The following INTS8 variants were observed in gnomAD, a reference collection of about 807,000 sequenced individuals.
INTS8 encodes integrator complex subunit 8, also known as protein kaonashi-1.
INTS8 carries 47 observed loss-of-function variants against 138.9 expected under a neutral mutation model. The observed-to-expected ratio is 0.34, with a 90% CI of 0.27 to 0.43. The LOEUF (loss-of-function observed/expected upper bound fraction) is 0.43. Among genes scored for constraint, INTS8 ranks in the 20% least tolerant of loss-of-function variants. The pLI is 1.00. For synonymous variants in INTS8, 392 were observed against 400.9 expected (o/e 0.98, Z 0.27); for missense variants, 996 against 1,173.0 (o/e 0.85, Z 2.20).
chr8:94,875,918 G>T, intron 23 of INTS8, 156 bp from the exon 24 acceptor site: 1 of 597,980 alleles, frequency 1.7e-6, no homozygotes, highest in Non-Finnish European at 3.0e-6. Flanking sequence ...AGACAGACAC[G>T]TGTATAAAGG....
chr8:94,829,960 G>A (rs938598952), intron 5 of INTS8, among the ~76,000 whole-genome samples: 25 of 152,090 alleles, frequency 1.6e-4, no homozygotes, highest in African/African-American at 5.6e-4. Context: ...GTGCAGTGGC[G>A]GAGTCAGCTC....
intron 15 of INTS8, among the ~76,000 whole-genome samples, chr8:94,857,694 T>C (rs1815803531): frequency 6.6e-6 from 1 of 152,212 alleles, no homozygotes; most frequent in South Asian, 2.1e-4. Flanking sequence ...TGCTGCTGTC[T>C]TCACATGGCC....
At chr8:94,853,690 G>A (rs1388621498) in intron 13 of INTS8, 115 bp from the exon 14 acceptor site, 2 of 591,530 alleles carry the variant, frequency 3.4e-6, no homozygotes, top group Non-Finnish European at 6.0e-6. Context: ...TTCTCTTTAA[G>A]AGACGACCCG....
intron 14 of INTS8, among the ~76,000 whole-genome samples, chr8:94,855,900 A>T (rs1274981080): frequency 6.6e-6 from 1 of 152,200 alleles, no homozygotes; most frequent in African/African-American, 2.4e-5. Flanking sequence ...GCAGATTATG[A>T]GTTTATTTTT....
At chr8:94,867,083 C>A in intron 18 of INTS8, 57 bp from the exon 19 acceptor site, 1 of 1,271,154 alleles carries the variant, frequency 7.9e-7, no homozygotes, top group South Asian at 1.3e-5. Flanking sequence ...TTGACAGGAG[C>A]AATATTAAAT....
chr8:94,849,516 A>G lies in INTS8; in HGVS notation c.1315A>G (p.Met439Val). The G allele has an allele frequency of 2.6e-6, 4 of 1,562,520 alleles. No individual in the cohort carries two copies. The highest frequency in any genetic ancestry group is 2.6e-6 in the Non-Finnish European group (3 of 1,147,208). ...EKASESLKGN[M>V]AAFLKNVCLG... ...AGCTTCAGAGTCTTTGAAAGGAAAC[A>G]TGGCTGCTTTTCTAAAGTAAGTACC... is the stretch of plus-strand genomic sequence containing the variant. The change falls in exon 11 of 27, where the codon ATG becomes GTG. Residue 439 changes from methionine (M) to valine (V), a missense_variant. Transcript: ENST00000523731.
At chr8:94,874,731 G>A in intron 23 of INTS8, 129 bp downstream of exon 23, 1 of 534,942 alleles carries the variant, frequency 1.9e-6, no homozygotes, top group Non-Finnish European at 3.3e-6. Context: ...GTAAGAGTTT[G>A]GCATATTCTT....
At chr8:94,844,928 A>T (rs1423844010) in intron 10 of INTS8, among the ~76,000 whole-genome samples, 4 of 149,544 alleles carry the variant, frequency 2.7e-5, no homozygotes, top group African/African-American at 4.9e-5. Flanking sequence ...AATTTTTTTT[A>T]TTTTTGGTAA....
At chr8:94,860,441 G>A (rs145155943) in intron 16 of INTS8, 5,137 of 152,018 alleles carry the variant, frequency 0.034, 90 homozygotes, top group Non-Finnish European at 0.04. Context: ...TTAGCCAGGT[G>A]TGGTGGCAGG....
rs758907019 is a variant in INTS8 at position 94,881,722 on chromosome 8, G to T, written c.*1488G>T. ...GTGACAACTGTCCCCCTTTTCTGAA[G>T]GTGTTTATGTAATTTACTTCCTCCT... On this transcript the variant is annotated 3_prime_UTR_variant, in exon 27 of 27. Coordinates refer to ENST00000523731, the MANE Select transcript of INTS8 (RefSeq NM_017864.4). 5 of 1,613,470 alleles carry T rather than the reference G, an allele frequency of 3.1e-6. No individual in the cohort carries two copies. Among genetic ancestry groups the T allele is most frequent in the Non-Finnish European group, 4.2e-6 (5 of 1,179,696 alleles).
rs527348846 is a variant in INTS8, at chr8:94,844,568, T to C, written c.1260+2080T>C. On this transcript the variant is annotated intron_variant, in intron 10 of 26. Transcript: ENST00000523731. Reference sequence around the variant, plus strand: ...CTGACCTCAAGTGATCCACCCACTTTAGCCTCCCAAAGTCCTGGGATTACA... The same window carrying C: ...CTGACCTCAAGTGATCCACCCACTTCAGCCTCCCAAAGTCCTGGGATTACA... Among the ~76,000 whole-genome samples the C allele has an allele frequency of 2.0e-5, 3 of 152,272 alleles. No individual in the cohort carries two copies. The South Asian group carries it at 6.2e-4, about 32-fold the overall frequency.
chr8:94,840,559 G>GTTTTTT (rs11395069), intron 8 of INTS8, among the ~76,000 whole-genome samples: 1 of 136,510 alleles, frequency 7.3e-6, no homozygotes, highest in Non-Finnish European at 1.5e-5. Context: ...TTTTTAATTA[G>GTTTTTT]TTTTTTTTTT....
intron 26 of INTS8, among the ~76,000 whole-genome samples, chr8:94,879,012 ACT>A (rs1166969195): frequency 6.6e-6 from 1 of 151,192 alleles, no homozygotes; most frequent in African/African-American, 2.4e-5. Context: ...AATTTAATCC[ACT>A]CTCGGTTTTG....
chr8:94,869,261 C>T (rs527346987), intron 20 of INTS8, among the ~76,000 whole-genome samples: 14 of 151,784 alleles, frequency 9.2e-5, no homozygotes, highest in Admixed American at 2.6e-4. Flanking sequence ...GATTAACAGG[C>T]GTGAGCCACC....
At chr8:94,857,698 C>T (rs1815803635) in intron 15 of INTS8, among the ~76,000 whole-genome samples, 2 of 152,204 alleles carry the variant, frequency 1.3e-5, no homozygotes, top group Admixed American at 1.3e-4. Flanking sequence ...GCTGTCTTCA[C>T]ATGGCCTTCC....
intron 26 of INTS8, among the ~76,000 whole-genome samples, chr8:94,878,455 C>T (rs761854714): frequency 1.2e-4 from 18 of 152,120 alleles, no homozygotes; most frequent in African/African-American, 3.1e-4. Context: ...CTATTTCATT[C>T]GCTGCTTCCT....
At chr8:94,879,975 A>G in intron 26 of INTS8, 143 bp from the exon 27 acceptor site, 1 of 562,712 alleles carries the variant, frequency 1.8e-6, no homozygotes, top group Non-Finnish European at 3.2e-6. Context: ...TTTTTTTCCA[A>G]GACTCCTGGG....
intron 9 of INTS8, 49 bp downstream of exon 9, chr8:94,841,640 T>C: frequency 4.3e-6 from 4 of 930,502 alleles, no homozygotes; most frequent in Non-Finnish European, 6.8e-6. Context: ...AAACAGCAAG[T>C]GCATTCTGGT....
rs1441050867 is a variant in INTS8, at chr8:94,823,338, C to T, written c.-94C>T. 1.7e-5 allele frequency: 25 copies of T among 1,510,166 alleles called. No homozygotes were observed. The highest frequency in any genetic ancestry group is 2.2e-5 in the Non-Finnish European group (25 of 1,133,490). The allele number at this position is 1,510,166 out of a possible 1,614,324, so 93.5% of individuals were successfully genotyped here. A position where few individuals can be genotyped will look rare whatever the true frequency, so the allele number is the denominator to read the frequency against. On this transcript the variant is annotated 5_prime_UTR_variant, in exon 1 of 27. Coordinates refer to ENST00000523731, the MANE Select transcript of INTS8 (RefSeq NM_017864.4). ...GGACGTTCGGAGGGTGGCCTCTCTC[C>T]CACCGGGTTCCGCATACCCCAGGCA...
Sources: allele counts gnomAD v4.1 joint callset (sites outside exome capture counted in the v4.1 genomes callset), GRCh38; gene constraint gnomAD v4.1.1; transcripts MANE v1.5; gene names NCBI Gene and HGNC (gene_info 2026-07-23, HGNC 2026-07-21).